DPP6: variants seen among roughly 807,000 people sequenced by gnomAD.
DPP6 encodes the protein dipeptidyl peptidase like 6.
In DPP6, 69 loss-of-function variants were observed where a neutral mutation model predicts 122.6. The ratio of observed to expected loss-of-function variants is 0.56; its 90% confidence interval spans 0.46 to 0.69. The LOEUF (loss-of-function observed/expected upper bound fraction) is 0.69, where lower values mean the gene tolerates loss of function less well. Ranked by LOEUF, DPP6 falls within the 30% of genes least tolerant of loss-of-function variation. The pLI is 0.00. For missense variants in DPP6, 928 were observed against 1,116.9 expected (o/e 0.83, Z 2.41); for synonymous variants, 418 against 433.1 (o/e 0.97, Z 0.43).
intron 1 of DPP6, among the ~76,000 whole-genome samples, chr7:154,059,888 G>T (rs1801426701): frequency 6.6e-6 from 1 of 151,880 alleles, no homozygotes; most frequent in African/African-American, 2.4e-5. Context: ...GGCAGCAACT[G>T]CCCTGCTAGT....
chr7:154,883,795 CGACTCACGCACACATGCTCACACAAT>C (rs1805735623), intron 21 of DPP6: 2 of 130,752 alleles, frequency 1.5e-5, no homozygotes, highest in South Asian at 2.6e-4. Flanking sequence ...TTACATACAC[CGACTCACGCACACATGCTCACACAAT>C]TACATACACC....
At chr7:154,690,659 C>T (rs1275983881) in intron 7 of DPP6, among the ~76,000 whole-genome samples, 2 of 152,194 alleles carry the variant, frequency 1.3e-5, no homozygotes, top group East Asian at 1.9e-4. Context: ...AAGAGTTGGA[C>T]ATATCTTCTC....
chr7:153,758,694 T>A, the DPP6 span, among the ~76,000 whole-genome samples: 2 of 152,108 alleles, frequency 1.3e-5, no homozygotes, highest in African/African-American at 4.8e-5. Context: ...TGTTGCAGCA[T>A]GTATCAATAG....
intron 1 of DPP6, among the ~76,000 whole-genome samples, chr7:153,987,638 T>A (rs1182346768): frequency 6.6e-6 from 1 of 151,554 alleles, no homozygotes; most frequent in Non-Finnish European, 1.5e-5. Context: ...AGGAGCAGCG[T>A]GAGGTAGAGT....
chr7:153,826,922 AG>A, the DPP6 span, among the ~76,000 whole-genome samples: 1 of 152,196 alleles, frequency 6.6e-6, no homozygotes. Context: ...TGGGTGTAAA[AG>A]TGAAAATGTA....
intron 1 of DPP6, among the ~76,000 whole-genome samples, chr7:154,176,240 C>A (rs1366904991): frequency 6.6e-6 from 1 of 152,172 alleles, no homozygotes; most frequent in Non-Finnish European, 1.5e-5. Flanking sequence ...GAAAATAATT[C>A]AGAAGTGCAG....
At chr7:154,249,586 A>G (rs530309018) in intron 1 of DPP6, among the ~76,000 whole-genome samples, 98 of 152,072 alleles carry the variant, frequency 6.4e-4, no homozygotes, top group Admixed American at 1.2e-3. Flanking sequence ...TGTTTCAGGG[A>G]TTTTGTTTTG....
chr7:154,545,526 T>TCCTC (rs71184009), intron 4 of DPP6, among the ~76,000 whole-genome samples: 2 of 147,908 alleles, frequency 1.4e-5, no homozygotes, highest in South Asian at 2.3e-4. Flanking sequence ...CTTCCTTCCT[T>TCCTC]GTAGAAATAC....
intron 8 of DPP6, among the ~76,000 whole-genome samples, chr7:154,756,630 A>T (rs185428924): frequency 7.2e-5 from 11 of 152,128 alleles, no homozygotes; most frequent in Admixed American, 1.3e-4. Flanking sequence ...CCTGCCACCC[A>T]TCCCACCTCC....
chr7:153,891,186 T>C (rs2128993585), intron 1 of DPP6, among the ~76,000 whole-genome samples: 1 of 151,640 alleles, frequency 6.6e-6, no homozygotes, highest in South Asian at 2.1e-4. Flanking sequence ...CATGCCCGGC[T>C]AATTTTTTTG....
chr7:154,805,994 T>C (rs946962712), intron 15 of DPP6, among the ~76,000 whole-genome samples: 1 of 152,204 alleles, frequency 6.6e-6, no homozygotes, highest in African/African-American at 2.4e-5. Flanking sequence ...TGCTGGGACA[T>C]TGGGAAGCCC....
intron 1 of DPP6, among the ~76,000 whole-genome samples, chr7:154,110,387 A>G (rs950980575): frequency 2.0e-5 from 3 of 152,178 alleles, no homozygotes; most frequent in African/African-American, 7.2e-5. Flanking sequence ...ACTGAATCAA[A>G]AAGAAGCATC....
Position 154,892,390 on chromosome 7 carries a change from C to T in DPP6, c.2508C>T (p.Tyr836=). ...GCTCCAGCCTCAAACAGCATCTGTACCGGTCCATCATCAACTTCTTCGTGG... is the reference window on the plus strand; with the variant it reads ...GCTCCAGCCTCAAACAGCATCTGTATCGGTCCATCATCAACTTCTTCGTGG... ...FTSSSLKQHL[Y]RSIINFFVEC... is the part of the protein sequence containing the mutation. Residue 836 remains tyrosine, a synonymous_variant, in exon 26 of 26, where the codon TAC becomes TAT. Coordinates refer to ENST00000377770, the MANE Select transcript of DPP6 (RefSeq NM_130797.4). 3.7e-6 allele frequency: 6 copies of T among 1,614,070 alleles called. No individual in the cohort carries two copies. Among genetic ancestry groups the T allele is most frequent in the Non-Finnish European group, 5.1e-6 (6 of 1,179,910 alleles).
At chr7:153,944,044 C>T (rs372901936) in intron 1 of DPP6, among the ~76,000 whole-genome samples, 12 of 152,288 alleles carry the variant, frequency 7.9e-5, no homozygotes, top group South Asian at 4.2e-4. Context: ...TCATGGAAAT[C>T]GGTCCAAGTA....
chr7:154,759,673 C>T (rs907656649), intron 8 of DPP6, among the ~76,000 whole-genome samples: 3 of 152,218 alleles, frequency 2.0e-5, no homozygotes, highest in Non-Finnish European at 4.4e-5. Flanking sequence ...CCACAGTGCG[C>T]AGGCCAGAAG....
At chr7:154,321,521 G>C (rs898721157) in intron 1 of DPP6, among the ~76,000 whole-genome samples, 1 of 151,874 alleles carries the variant, frequency 6.6e-6, no homozygotes, top group Non-Finnish European at 1.5e-5. Flanking sequence ...GGTCGCTCAC[G>C]TCTGTAATCC....
rs1031533836 is a variant in DPP6, at chr7:154,821,638, A to G, written c.1666+14526A>G. Among the ~76,000 whole-genome samples, 3 of 97,338 alleles carry G rather than the reference A, an allele frequency of 3.1e-5. No homozygotes were observed. The highest frequency in any genetic ancestry group is 1.7e-4 in the African/African-American group (3 of 17,820). The allele number at this position is 97,338 out of a possible 152,430, so 63.9% of individuals were successfully genotyped here. On this transcript the variant is annotated intron_variant, in intron 16 of 25. Transcript: ENST00000377770. The surrounding 1 kb of genome is among the most constrained non-coding windows in gnomAD (Gnocchi z 4.2). ...ATATATTTTTTTTCTGTATATATATATATATATACACATATATATATATAT... is the reference window on the plus strand; with the variant it reads ...ATATATTTTTTTTCTGTATATATATGTATATATACACATATATATATATAT...
At chr7:154,643,491 CAG>C (rs1836243198) in intron 6 of DPP6, among the ~76,000 whole-genome samples, 1 of 118,490 alleles carries the variant, frequency 8.4e-6, no homozygotes, top group African/African-American at 3.5e-5. Context: ...TTTTTTGAGA[CAG>C]AGTCTCACTC....
intron 1 of DPP6, among the ~76,000 whole-genome samples, chr7:153,962,156 G>A (rs962895156): frequency 6.6e-6 from 1 of 151,860 alleles, no homozygotes; most frequent in Non-Finnish European, 1.5e-5. Context: ...TATCTTACAA[G>A]AGCCTGAATG....
Sources: allele counts gnomAD v4.1 joint callset (sites outside exome capture counted in the v4.1 genomes callset), GRCh38; gene constraint gnomAD v4.1.1; non-coding constraint Gnocchi (gnomAD v3.1); transcripts MANE v1.5; gene names NCBI Gene and HGNC (gene_info 2026-07-23, HGNC 2026-07-21).